FIRRM: variants seen among roughly 807,000 people sequenced by gnomAD.
The protein encoded by FIRRM is FIGNL1 interacting regulator of recombination and mitosis, also known as FIGNL1-interacting regulator of recombination and mitosis.
the FIRRM span, among the ~76,000 whole-genome samples, chr1:169,824,554 T>G: frequency 7.2e-5 from 11 of 152,378 alleles, 1 homozygote; most frequent in East Asian, 2.1e-3. Context: ...CAACTCTTTC[T>G]TGAATCTAGT....
the FIRRM span, chr1:169,852,659 G>T: frequency 1.1e-6 from 1 of 891,278 alleles, no homozygotes; most frequent in Non-Finnish European, 1.7e-6. Flanking sequence ...TAGGGGTTTT[G>T]GGGTGCATCC....
the FIRRM span, chr1:169,842,558 C>G: frequency 1.9e-6 from 3 of 1,604,372 alleles, no homozygotes; most frequent in Non-Finnish European, 1.7e-6. Context: ...AGCAACTGAT[C>G]CTTTCCTTAT....
At chr1:169,822,348 G>A in the FIRRM span, among the ~76,000 whole-genome samples, 9 of 152,124 alleles carry the variant, frequency 5.9e-5, no homozygotes, top group East Asian at 1.9e-4. Flanking sequence ...CTTATCTTTC[G>A]TCAAAAACAG....
the FIRRM span, chr1:169,806,176 A>G: frequency 6.0e-4 from 467 of 774,226 alleles, 3 homozygotes; most frequent in East Asian, 0.013. Flanking sequence ...GATTGCATTT[A>G]AAACATTTTG....
At chr1:169,804,817 G>C in the FIRRM span, among the ~76,000 whole-genome samples, 1 of 152,020 alleles carries the variant, frequency 6.6e-6, no homozygotes, top group Non-Finnish European at 1.5e-5. Flanking sequence ...TGAGTAGCTG[G>C]GATTATAGGC....
the FIRRM span, chr1:169,827,560 C>T: frequency 2.4e-6 from 2 of 817,264 alleles, no homozygotes; most frequent in East Asian, 5.2e-5. Context: ...ATCGCTTGAA[C>T]CCAGACGGTG....
At chr1:169,829,472 T>C in the FIRRM span, 1 of 1,570,280 alleles carries the variant, frequency 6.4e-7, no homozygotes, top group Non-Finnish European at 8.6e-7. Context: ...CTTACTGTGC[T>C]AAGCTAAGGT....
At chr1:169,825,442 T>C in the FIRRM span, among the ~76,000 whole-genome samples, 3 of 152,244 alleles carry the variant, frequency 2.0e-5, no homozygotes, top group Non-Finnish European at 4.4e-5. Flanking sequence ...ACAGTGACTT[T>C]GTATATTCTC....
At chr1:169,803,389 A>G in the FIRRM span, 39 of 1,302,230 alleles carry the variant, frequency 3.0e-5, no homozygotes, top group Non-Finnish European at 3.9e-5. Flanking sequence ...TTTGTATAAG[A>G]TTTTACATTT....
At chr1:169,803,581 G>A in the FIRRM span, among the ~76,000 whole-genome samples, 1 of 152,086 alleles carries the variant, frequency 6.6e-6, no homozygotes, top group African/African-American at 2.4e-5. Flanking sequence ...CAGACACAGG[G>A]ATCCTGAAAT....
chr1:169,836,793 T>G, the FIRRM span: 3 of 584,062 alleles, frequency 5.1e-6, no homozygotes, highest in South Asian at 8.3e-5. Flanking sequence ...TACCTTGGTC[T>G]GGAATGTAGA....
At chr1:169,790,178 T>C in the FIRRM span, among the ~76,000 whole-genome samples, 10 of 150,540 alleles carry the variant, frequency 6.6e-5, no homozygotes, top group Non-Finnish European at 1.3e-4. Flanking sequence ...ATTTATCTTT[T>C]TTTTTTCTCT....
At chr1:169,815,681 G>A in the FIRRM span, among the ~76,000 whole-genome samples, 2 of 152,158 alleles carry the variant, frequency 1.3e-5, no homozygotes, top group African/African-American at 2.4e-5. Flanking sequence ...CAAGGTCTTT[G>A]TGACCTGTCT....
At chr1:169,849,465 C>T in the FIRRM span, 2 of 1,487,700 alleles carry the variant, frequency 1.3e-6, no homozygotes, top group Non-Finnish European at 1.9e-6. Flanking sequence ...ATTATGGTTT[C>T]TTTTCTCTAT....
chr1:169,840,729 C>G, the FIRRM span, among the ~76,000 whole-genome samples: 1 of 151,998 alleles, frequency 6.6e-6, no homozygotes, highest in African/African-American at 2.4e-5. Context: ...CCAGGATGGC[C>G]TCGATCTCCT....
At chr1:169,811,150 G>A in the FIRRM span, among the ~76,000 whole-genome samples, 5 of 152,052 alleles carry the variant, frequency 3.3e-5, no homozygotes, top group Non-Finnish European at 5.9e-5. Context: ...GTGAGCCACC[G>A]CGCCCGGCCT....
At chr1:169,849,599 G>T in the FIRRM span, 1 of 1,609,244 alleles carries the variant, frequency 6.2e-7, no homozygotes, top group Non-Finnish European at 8.5e-7. Flanking sequence ...TACTCAGTTC[G>T]CTGAGGTAAT....
At chr1:169,825,007 G>A in the FIRRM span, among the ~76,000 whole-genome samples, 1 of 152,062 alleles carries the variant, frequency 6.6e-6, no homozygotes. Flanking sequence ...CTTTATTTCA[G>A]TTTAAGTGGC....
At chr1:169,794,639 G>A in the FIRRM span, 1 of 163,732 alleles carries the variant, frequency 6.1e-6, no homozygotes, top group African/African-American at 2.4e-5. Context: ...TTACAATTTG[G>A]GGGAGAGGCG....
Sources: gnomAD v4.1 joint callset for allele counts (sites outside exome capture counted in the v4.1 genomes callset) on GRCh38, gnomAD v4.1.1 for gene constraint, MANE v1.5 for transcripts, NCBI Gene and HGNC (gene_info 2026-07-23, HGNC 2026-07-21) for gene names.